Variants in UTP23 observed in about 807,000 individuals in gnomAD.
UTP23 encodes UTP23 small subunit processome component.
A neutral mutation model predicts 19.8 loss-of-function variants in UTP23; 10 were observed. The ratio of observed to expected loss-of-function variants is 0.50; its 90% confidence interval spans 0.31 to 0.86. UTP23 has a LOEUF of 0.86. Ranked by LOEUF, UTP23 falls within the 40% of genes least tolerant of loss-of-function variation. The pLI is 0.05. For missense variants in UTP23, 282 were observed against 293.1 expected, an observed-to-expected ratio of 0.96 and a Z score of 0.28; for synonymous variants, 108 against 105.4, an observed-to-expected ratio of 1.02 and a Z score of -0.15.
intron 1 of UTP23, among the ~76,000 whole-genome samples, chr8:116,767,655 T>G (rs959027790): frequency 4.6e-5 from 7 of 152,200 alleles, no homozygotes; most frequent in Admixed American, 3.9e-4. Context: ...TGTGGAGACC[T>G]CTTCACACGA....
In UTP23 at chr8:116,771,788, GA is replaced by G; in HGVS notation, c.698del (p.Asn233ThrfsTer50). 1 of 1,604,188 alleles carries G rather than the reference GA, an allele frequency of 6.2e-7. No individual in the cohort carries two copies. Among genetic ancestry groups the G allele is most frequent in the Non-Finnish European group, 8.5e-7 (1 of 1,177,890 alleles). ...AGAAAAGAAAAAGAAAAAGAATTCGGAACAGATCTAACCCAAAAGTACTTTC... is the reference window on the plus strand; with the variant it reads ...AGAAAAGAAAAAGAAAAAGAATTCGGACAGATCTAACCCAAAAGTACTTTC... ...EKKRKRKRIRNRSNPKVLSEK... is the reference protein window; with the variant it reads ...EKKRKRKRIRXRSNPKVLSEK... On this transcript the variant is annotated frameshift_variant, in exon 3 of 3. Transcript: ENST00000309822. LOFTEE classifies it high-confidence loss of function.
intron 1 of UTP23, among the ~76,000 whole-genome samples, chr8:116,769,361 C>T (rs1815623155): frequency 1.3e-5 from 2 of 151,996 alleles, no homozygotes; most frequent in African/African-American, 4.8e-5. Flanking sequence ...CAGCTGATGG[C>T]ATAGGAGTAT....
Position 116,773,162 on chromosome 8 carries a change from C to T in UTP23, c.*1320C>T. 1 of 985,334 alleles carries T rather than the reference C, an allele frequency of 1.0e-6. No individual in the cohort carries two copies. The highest frequency in any genetic ancestry group is 1.2e-6 in the Non-Finnish European group (1 of 829,916). 61.0% of individuals were successfully genotyped at this position (985,334 alleles called of 1,614,324 possible). The stretch of plus-strand genomic sequence containing the variant: ...GCAAGCCAAGGTAGTGTTTGGATTG[C>T]AATGTCATGATTCTATTTTAAATTC... On this transcript the variant is annotated 3_prime_UTR_variant, in exon 3 of 3. Coordinates refer to ENST00000309822, the MANE Select transcript of UTP23 (RefSeq NM_032334.3).
In UTP23 at chr8:116,770,278, C is replaced by G; in HGVS notation, c.275C>G (p.Pro92Arg). 1 of 1,614,044 alleles carries G rather than the reference C, an allele frequency of 6.2e-7. No individual in the cohort carries two copies. The highest frequency in any genetic ancestry group is 2.2e-5 in the East Asian group (1 of 44,848). Residue 92 changes from proline to arginine, a missense_variant, in exon 2 of 3, where the codon CCT (proline) becomes CGT (arginine). Coordinates refer to ENST00000309822, the MANE Select transcript of UTP23 (RefSeq NM_032334.3). ...IAQKCQVRNC[P>R]HFKNAVSGSE... is the part of the protein sequence containing the mutation. ...CAAAAATGCCAAGTTCGAAATTGTC[C>G]TCATTTCAAGAATGCAGTGAGTGGA...
Position 116,774,374 on chromosome 8 carries a change from T to C in UTP23, c.*2532T>C. The C allele has an allele frequency of 1.0e-6, 1 of 985,272 alleles. No homozygotes were observed. Among genetic ancestry groups the C allele is most frequent in the Non-Finnish European group, 1.2e-6 (1 of 829,880 alleles). The allele number at this position is 985,272 out of a possible 1,614,324, so 61.0% of individuals were successfully genotyped here. ...TAAAAGGATCTCATGTTTCTGAATC[T>C]GCGTAAAGCAAGATGGCTGTGATTT... On this transcript the variant is annotated 3_prime_UTR_variant, in exon 3 of 3. Coordinates refer to ENST00000309822, the MANE Select transcript of UTP23 (RefSeq NM_032334.3).
At chr8:116,766,876 G>C in intron 1 of UTP23, 85 bp downstream of exon 1, 2 of 1,338,894 alleles carry the variant, frequency 1.5e-6, no homozygotes, top group Non-Finnish European at 2.0e-6. Flanking sequence ...CCTTCATTGC[G>C]AGCTCAGGAG....
chr8:116,770,507 G>A (rs1815637549), intron 2 of UTP23, 141 bp downstream of exon 2: 2 of 741,096 alleles, frequency 2.7e-6, no homozygotes, highest in Non-Finnish European at 3.9e-6. Flanking sequence ...GTCAGTAAAA[G>A]CAATTGTCAT....
At chr8:116,770,151 G>T in intron 1 of UTP23, 41 bp from the exon 2 acceptor site, 5 of 1,486,716 alleles carry the variant, frequency 3.4e-6, no homozygotes, top group Non-Finnish European at 4.5e-6. Flanking sequence ...TACACCTTAT[G>T]TAAACAAGTG....
In UTP23 at chr8:116,774,007, G is replaced by C; in HGVS notation, c.*2165G>C. 1 of 985,156 alleles carries C rather than the reference G, an allele frequency of 1.0e-6. No homozygotes were observed. The highest frequency in any genetic ancestry group is 1.2e-6 in the Non-Finnish European group (1 of 829,878). 61.0% of individuals were successfully genotyped at this position (985,156 alleles called of 1,614,324 possible). Reference sequence around the variant, plus strand: ...TTGCTTTATTTTTTCATACAACTTGGGGAAGGGAACCATGGGAGTATGCAC... The same window carrying C: ...TTGCTTTATTTTTTCATACAACTTGCGGAAGGGAACCATGGGAGTATGCAC... On this transcript the variant is annotated 3_prime_UTR_variant, in exon 3 of 3. Coordinates refer to ENST00000309822, the MANE Select transcript of UTP23 (RefSeq NM_032334.3).
chr8:116,770,350 A>G lies in UTP23; in HGVS notation c.347A>G (p.Tyr116Cys). The G allele has an allele frequency of 6.2e-7, 1 of 1,611,308 alleles. No individual in the cohort carries two copies. Among genetic ancestry groups the G allele is most frequent in the Non-Finnish European group, 8.5e-7 (1 of 1,177,830 alleles). The change falls in exon 2 of 3, where the codon TAT (tyrosine) becomes TGT (cysteine). Residue 116 changes from tyrosine (Y) to cysteine (C), a missense_variant. Physicochemically the swap from Tyr to Cys is radical, Grantham distance 194. Coordinates refer to ENST00000309822, the MANE Select transcript of UTP23 (RefSeq NM_032334.3). ...SMVEEGNPHH[Y>C]FVATQDQNLS... ...GTTGAAGAGGGAAATCCTCATCATT[A>G]TTTTGTGGCAACACAGGTGATACTA...
At chr8:116,767,654 C>T (rs1370333268) in intron 1 of UTP23, among the ~76,000 whole-genome samples, 1 of 152,108 alleles carries the variant, frequency 6.6e-6, no homozygotes, top group Non-Finnish European at 1.5e-5. Flanking sequence ...TTGTGGAGAC[C>T]TCTTCACACG....
rs919877786 is a variant in UTP23 at position 116,772,308 on chromosome 8, CATT to C, written c.*469_*471del. On this transcript the variant is annotated 3_prime_UTR_variant, in exon 3 of 3. Transcript: ENST00000309822. The stretch of plus-strand genomic sequence containing the variant: ...CTCTGGTCCCATTCCCACCTTCAAA[CATT>C]ATATGCAAACAGTTTTAAAAAATCT... 54 of 985,530 alleles carry C rather than the reference CATT, an allele frequency of 5.5e-5. No homozygotes were observed. In the African/African-American group the frequency reaches 9.2e-4, roughly 17 times the overall value. 61.0% of individuals were successfully genotyped at this position (985,530 alleles called of 1,614,324 possible). A position where few individuals can be genotyped will look rare whatever the true frequency, so the allele number is the denominator to read the frequency against.
Position 116,773,810 on chromosome 8 carries a change from AAAATAAAT to A in UTP23, c.*1979_*1986del, listed in dbSNP as rs776918011. On this transcript the variant is annotated 3_prime_UTR_variant, in exon 3 of 3. Transcript: ENST00000309822. ...GGTGAGAGAGTGAAACCCCGTCTCA[AAAATAAAT>A]AAATAAATAAGTTTACTATTTTAAA... The A allele has an allele frequency of 6.9e-6, 5 of 726,778 alleles. No individual in the cohort carries two copies. In the East Asian group the frequency reaches 5.3e-4, roughly 76 times the overall value. 45.0% of individuals were successfully genotyped at this position (726,778 alleles called of 1,614,324 possible). A position where few individuals can be genotyped will look rare whatever the true frequency, so the allele number is the denominator to read the frequency against.
At chr8:116,771,400 AT>A in intron 2 of UTP23, 55 bp from the exon 3 acceptor site, 1 of 1,340,756 alleles carries the variant, frequency 7.5e-7, no homozygotes, top group Middle Eastern at 2.3e-4. Flanking sequence ...TTGAAAACCT[AT>A]TTAAGGTACC....
In UTP23 at chr8:116,773,041, C is replaced by G; in HGVS notation, c.*1199C>G. ...ATGTGAGACAGTTCACATTTATTCC[C>G]ATAGAAATGTCATTCTCATTTGAAT... On this transcript the variant is annotated 3_prime_UTR_variant, in exon 3 of 3. Transcript: ENST00000309822. The G allele has an allele frequency of 1.0e-6, 1 of 975,490 alleles. No individual in the cohort carries two copies. The highest frequency in any genetic ancestry group is 1.2e-6 in the Non-Finnish European group (1 of 826,664). The allele number at this position is 975,490 out of a possible 1,614,324, so 60.4% of individuals were successfully genotyped here.
Position 116,773,058 on chromosome 8 carries a change from C to T in UTP23, c.*1216C>T. 1 of 588,432 alleles carries T rather than the reference C, an allele frequency of 1.7e-6. No homozygotes were observed. The highest frequency in any genetic ancestry group is 2.0e-6 in the Non-Finnish European group (1 of 499,870). The allele number at this position is 588,432 out of a possible 1,614,324, so 36.5% of individuals were successfully genotyped here. Reference sequence around the variant, plus strand: ...TTTATTCCCATAGAAATGTCATTCTCATTTGAATTCAGAGATACTTCTTTG... The same window carrying T: ...TTTATTCCCATAGAAATGTCATTCTTATTTGAATTCAGAGATACTTCTTTG... On this transcript the variant is annotated 3_prime_UTR_variant, in exon 3 of 3. Transcript: ENST00000309822.
chr8:116,771,233 G>A (rs1052505471), intron 2 of UTP23, among the ~76,000 whole-genome samples: 3 of 152,060 alleles, frequency 2.0e-5, no homozygotes, highest in Admixed American at 2.0e-4. Context: ...CTAGAGTATC[G>A]ATAAATCCGG....
At chr8:116,770,118 AG>A in intron 1 of UTP23, 73 bp from the exon 2 acceptor site, 1 of 1,381,600 alleles carries the variant, frequency 7.2e-7, no homozygotes, top group Non-Finnish European at 9.7e-7. Flanking sequence ...TTTTATTTTA[AG>A]AAAAAATCGA....
At chr8:116,771,224 T>C (rs193297046) in intron 2 of UTP23, among the ~76,000 whole-genome samples, 5 of 152,202 alleles carry the variant, frequency 3.3e-5, no homozygotes, top group African/African-American at 1.2e-4. Flanking sequence ...TTTGTGGCTC[T>C]AGAGTATCGA....
Sources: allele counts gnomAD v4.1 joint callset (sites outside exome capture counted in the v4.1 genomes callset), GRCh38; gene constraint gnomAD v4.1.1; transcripts MANE v1.5; gene names NCBI Gene and HGNC (gene_info 2026-07-23, HGNC 2026-07-21).